The following XPO1 variants were observed in gnomAD, a reference collection of about 807,000 sequenced individuals.
The protein encoded by XPO1 is exportin 1, also known as exportin-1.
Under a neutral mutation model 133.3 loss-of-function variants are expected in XPO1, and 5 were observed. The ratio of observed to expected loss-of-function variants is 0.04; its 90% confidence interval spans 0.02 to 0.08. XPO1 has a LOEUF of 0.08. Ranked by LOEUF, XPO1 falls within the 10% of genes least tolerant of loss-of-function variation. XPO1 has a pLI of 1.00. For missense variants in XPO1, 506 were observed against 1,267.5 expected (o/e 0.40, Z 9.12); for synonymous variants, 419 against 408.2 (o/e 1.03, Z -0.32).
In XPO1 at chr2:61,537,575, C is replaced by T. The variant is rs1416390614; in HGVS notation, c.-20G>A. 1 of 151,594 alleles carries T rather than the reference C, an allele frequency of 6.6e-6. No individual in the cohort carries two copies. The highest frequency in any genetic ancestry group is 1.5e-5 in the Non-Finnish European group (1 of 67,592). 9.4% of individuals were successfully genotyped at this position (151,594 alleles called of 1,614,324 possible). On this transcript the variant is annotated 5_prime_UTR_variant, in exon 1 of 25. Coordinates refer to ENST00000401558, the MANE Select transcript of XPO1 (RefSeq NM_003400.4). Reference sequence around the variant, plus strand: ...CAGTCGACTTACCCAGAGATTGAACCAACTGCTCCTTCCTTCCTCGTTGGG... The same window carrying T: ...CAGTCGACTTACCCAGAGATTGAACTAACTGCTCCTTCCTTCCTCGTTGGG...
intron 21 of XPO1, 71 bp from the exon 22 acceptor site, chr2:61,483,162 T>G (rs1237000622): frequency 6.7e-7 from 1 of 1,501,700 alleles, no homozygotes; most frequent in Admixed American, 2.3e-5. Context: ...TTAGCTCTTA[T>G]CAAAGTATTC....
chr2:61,492,269 T>A lies in XPO1; in HGVS notation c.1723+56A>T. ...TGGGTCTCTAACAAGACAAAAACAT[T>A]CATTTATTTTCTTCAATAAAAATAA... On this transcript the variant is annotated intron_variant, in intron 15 of 24. Coordinates refer to ENST00000401558, the MANE Select transcript of XPO1 (RefSeq NM_003400.4). This position sits in a 1 kb window ranked among gnomAD's most constrained non-coding sequence, Gnocchi z 5.6. The A allele has an allele frequency of 6.3e-7, 1 of 1,583,060 alleles. No individual in the cohort carries two copies. The highest frequency in any genetic ancestry group is 1.2e-5 in the South Asian group (1 of 85,458).
chr2:61,497,751 CAG>C (rs1217349081), intron 9 of XPO1, among the ~76,000 whole-genome samples: 1 of 152,088 alleles, frequency 6.6e-6, no homozygotes, highest in Non-Finnish European at 1.5e-5. Context: ...GGTTGGAAAT[CAG>C]GGGGCATTAA....
At chr2:61,513,855 T>A (rs1165326896) in intron 4 of XPO1, among the ~76,000 whole-genome samples, 1 of 152,104 alleles carries the variant, frequency 6.6e-6, no homozygotes, top group African/African-American at 2.4e-5. Flanking sequence ...CAAAGAGCCC[T>A]TAGATCTCAA....
chr2:61,518,003 AT>A (rs1290297774), intron 4 of XPO1, among the ~76,000 whole-genome samples: 1 of 152,020 alleles, frequency 6.6e-6, no homozygotes. Context: ...GGTGGTGTGC[AT>A]CTGTAATCCC....
intron 4 of XPO1, among the ~76,000 whole-genome samples, chr2:61,508,021 C>T (rs986115177): frequency 1.3e-5 from 2 of 151,958 alleles, no homozygotes; most frequent in Non-Finnish European, 1.5e-5. Context: ...AATCTAGTGG[C>T]CCAAGACCCT....
intron 2 of XPO1, among the ~76,000 whole-genome samples, chr2:61,530,839 A>C (rs1342797547): frequency 6.6e-6 from 1 of 152,156 alleles, no homozygotes; most frequent in Non-Finnish European, 1.5e-5. Context: ...AGCAAAAAAA[A>C]AATTTTTTTA....
intron 19 of XPO1, among the ~76,000 whole-genome samples, chr2:61,487,887 A>G (rs1326107281): frequency 6.6e-6 from 1 of 152,216 alleles, no homozygotes; most frequent in Admixed American, 6.5e-5. Flanking sequence ...CATTAATTAA[A>G]TCCTCCTAAC....
intron 4 of XPO1, among the ~76,000 whole-genome samples, chr2:61,505,764 G>A (rs916978326): frequency 1.8e-4 from 28 of 151,932 alleles, no homozygotes; most frequent in African/African-American, 6.5e-4. Flanking sequence ...TCACCATTTT[G>A]GCCAGGCCAT....
At chr2:61,500,583 A>AAAAAAAAAAG (rs1697459845) in intron 6 of XPO1, among the ~76,000 whole-genome samples, 1 of 146,874 alleles carries the variant, frequency 6.8e-6, no homozygotes, top group African/African-American at 2.5e-5. Context: ...CATCTCAAAA[A>AAAAAAAAAAG]AAAAAAAAAA....
At chr2:61,496,253 C>T (rs1007395594) in intron 10 of XPO1, among the ~76,000 whole-genome samples, 1 of 152,186 alleles carries the variant, frequency 6.6e-6, no homozygotes, top group Non-Finnish European at 1.5e-5. Context: ...ACCCTGTCAT[C>T]CAGGCTGGAG....
intron 4 of XPO1, among the ~76,000 whole-genome samples, chr2:61,518,286 T>C (rs1408341315): frequency 1.3e-5 from 2 of 150,472 alleles, no homozygotes; most frequent in Admixed American, 6.6e-5. Context: ...GGCGCGGTGG[T>C]TCGCACCTGT....
chr2:61,480,279 CTTTTTT>C (rs11392509), intron 24 of XPO1: 1 of 130,204 alleles, frequency 7.7e-6, no homozygotes, highest in African/African-American at 2.9e-5. Context: ...TATCAGTTAA[CTTTTTT>C]TTTTTTTTTT....
intron 4 of XPO1, among the ~76,000 whole-genome samples, chr2:61,512,489 G>A (rs1354120396): frequency 1.3e-5 from 2 of 152,154 alleles, no homozygotes; most frequent in Non-Finnish European, 2.9e-5. Flanking sequence ...ACAACAGGAA[G>A]GGAAAGTGAG....
chr2:61,538,469 G>C (rs974427727), upstream of XPO1: 3 of 152,852 alleles, frequency 2.0e-5, no homozygotes, highest in Non-Finnish European at 2.9e-5. Flanking sequence ...GGCTCCACAC[G>C]AGCCCGCCGC....
At chr2:61,502,543 A>C (rs1344272519) in intron 4 of XPO1, 5 of 377,510 alleles carry the variant, frequency 1.3e-5, no homozygotes, top group Non-Finnish European at 1.9e-5. Flanking sequence ...ACCTGAGGCC[A>C]GGAATTCGAG....
chr2:61,502,942 A>G (rs1015474201), intron 4 of XPO1, among the ~76,000 whole-genome samples: 3 of 141,408 alleles, frequency 2.1e-5, no homozygotes, highest in Non-Finnish European at 4.5e-5. Context: ...TTTCATCCTG[A>G]TTTGGTTCCA....
chr2:61,533,692 GATAATTTAAAATTTTAT>G, intron 2 of XPO1, 63 bp downstream of exon 2: 1 of 1,325,310 alleles, frequency 7.5e-7, no homozygotes, highest in Non-Finnish European at 9.8e-7. Flanking sequence ...TTTTAAAGGT[GATAATTTAAAATTTTAT>G]TCTAAACCCA....
intron 17 of XPO1, among the ~76,000 whole-genome samples, chr2:61,489,407 C>T (rs1696855179): frequency 9.1e-6 from 1 of 109,562 alleles, no homozygotes; most frequent in Non-Finnish European, 2.0e-5. Context: ...GAGTGAAACT[C>T]CATCTCAAAA....
Sources: gnomAD v4.1 joint callset for allele counts (sites outside exome capture counted in the v4.1 genomes callset) on GRCh38, gnomAD v4.1.1 for gene constraint, Gnocchi (gnomAD v3.1) non-coding constraint, MANE v1.5 for transcripts, NCBI Gene and HGNC (gene_info 2026-07-23, HGNC 2026-07-21) for gene names.